Variants in ATP8B1 observed in about 807,000 individuals in gnomAD.
ATP8B1 encodes the protein phospholipid-transporting ATPase IC.
In ATP8B1, 80 loss-of-function variants were observed where a neutral mutation model predicts 149.9. That is an observed-to-expected ratio of 0.53 (90% confidence interval 0.45 to 0.64). ATP8B1 has a LOEUF of 0.64. Among genes scored for constraint, ATP8B1 ranks in the 30% least tolerant of loss-of-function variants. The probability of loss-of-function intolerance (pLI) is 0.00; values close to 1 mark genes in which losing one functional copy is unlikely to be tolerated. For synonymous variants in ATP8B1, 536 were observed against 562.8 expected, an observed-to-expected ratio of 0.95 and a Z score of 0.67; for missense variants, 1,247 against 1,552.6, an observed-to-expected ratio of 0.80 and a Z score of 3.31.
At position 57,674,865 on chromosome 18, in the gene ATP8B1, G is replaced by C. The variant is rs749474911; in HGVS notation, c.1788C>G (p.Phe596Leu). 1.2e-6 allele frequency: 2 copies of C among 1,614,174 alleles called. No individual in the cohort carries two copies. The highest frequency in any genetic ancestry group is 2.2e-5 in the East Asian group (1 of 44,886). Residue 596 changes from phenylalanine to leucine, a missense_variant, in exon 16 of 28, where the codon TTC becomes TTG. Phe to Leu is a conservative substitution (Grantham distance 22, BLOSUM62 0). This residue lies in a region of ATP8B1 where 853 missense variants were observed against 1,035.7 expected (regional missense o/e 0.82). Transcript: ENST00000648908. ...TAGACATTCGCTTCCGGTCACTGTTGAAGTCCAAAATGGCAAGAACATTGT... is the reference window on the plus strand; with the variant it reads ...TAGACATTCGCTTCCGGTCACTGTTCAAGTCCAAAATGGCAAGAACATTGT... ...RTYNVLAILDFNSDRKRMSII... is the reference protein window; with the variant it reads ...RTYNVLAILDLNSDRKRMSII...
At chr18:57,653,931 G>A (rs913740768) in intron 24 of ATP8B1, 61 bp downstream of exon 24, 5 of 1,449,290 alleles carry the variant, frequency 3.4e-6, no homozygotes, top group Non-Finnish European at 4.8e-6. Context: ...ACGTTTGCTT[G>A]GGACTTCTCT....
At chr18:57,681,900 C>G (rs1237638211) in intron 15 of ATP8B1, among the ~76,000 whole-genome samples, 5 of 151,878 alleles carry the variant, frequency 3.3e-5, no homozygotes, top group African/African-American at 4.8e-5. Context: ...ATTTCTTTCT[C>G]TAAGCTCCTG....
At chr18:57,779,223 G>A (rs902171130) in intron 1 of ATP8B1, among the ~76,000 whole-genome samples, 1 of 152,090 alleles carries the variant, frequency 6.6e-6, no homozygotes, top group African/African-American at 2.4e-5. Flanking sequence ...GCTGAAGTGA[G>A]AGGATTGCTT....
chr18:57,694,115 T>G (rs1912680069), intron 11 of ATP8B1, among the ~76,000 whole-genome samples: 1 of 151,882 alleles, frequency 6.6e-6, no homozygotes, highest in Non-Finnish European at 1.5e-5. Flanking sequence ...AACCTGGGAG[T>G]GGTCTTGAGT....
At chr18:57,655,138 T>A in intron 23 of ATP8B1, 56 bp downstream of exon 23, 1 of 1,488,546 alleles carries the variant, frequency 6.7e-7, no homozygotes, top group Non-Finnish European at 9.3e-7. Context: ...GAACTAGATT[T>A]TTATTCATTT....
rs750888321 is a variant in ATP8B1 at position 57,652,464 on chromosome 18, G to A, written c.3261+20C>T. On this transcript the variant is annotated intron_variant, in intron 25 of 27. Transcript: ENST00000648908. ...GTAGGTACCAATAGACACTGAATAC[G>A]GCCAATGAAAGCCACGTACCTGGAA... The A allele has an allele frequency of 6.2e-6, 10 of 1,614,040 alleles. No homozygotes were observed. The highest frequency in any genetic ancestry group is 3.3e-5 in the South Asian group (3 of 91,074).
Position 57,652,655 on chromosome 18 carries a change from A to G in ATP8B1, c.3090T>C (p.Tyr1030=), listed in dbSNP as rs544564339. 1.2e-6 allele frequency: 2 copies of G among 1,614,190 alleles called. No homozygotes were observed. The highest frequency in any genetic ancestry group is 2.2e-5 in the South Asian group (2 of 91,090). ...IVGQRDLLFN[Y]KRFFVSLLHG... Reference sequence around the variant, plus strand: ...GCAACAAGCTTACAAAGAATCTCTTATAGTTGAATAGTAAGTCTCTTTGTC... The same window carrying G: ...GCAACAAGCTTACAAAGAATCTCTTGTAGTTGAATAGTAAGTCTCTTTGTC... The change falls in exon 25 of 28, where the codon TAT becomes TAC. Residue 1030 remains tyrosine, a synonymous_variant. Coordinates refer to ENST00000648908, the MANE Select transcript of ATP8B1 (RefSeq NM_001374385.1).
At chr18:57,685,234 A>T in intron 13 of ATP8B1, 119 bp from the exon 14 acceptor site, 1 of 1,094,436 alleles carries the variant, frequency 9.1e-7, no homozygotes, top group Admixed American at 2.2e-5. Flanking sequence ...GACAGGCTAA[A>T]ATATTTATTA....
At chr18:57,714,282 G>A (rs1011335715) in intron 2 of ATP8B1, among the ~76,000 whole-genome samples, 3 of 146,930 alleles carry the variant, frequency 2.0e-5, no homozygotes, top group African/African-American at 4.9e-5. Flanking sequence ...AGGACACCAA[G>A]CAGATTTCTA....
At chr18:57,776,961 T>G (rs974455313) in intron 1 of ATP8B1, among the ~76,000 whole-genome samples, 2 of 151,712 alleles carry the variant, frequency 1.3e-5, no homozygotes, top group African/African-American at 4.8e-5. Context: ...GTTATCTTCC[T>G]TTCCAACTGT....
In ATP8B1 at chr18:57,685,067, C is replaced by G. The variant is rs756624501; in HGVS notation, c.1473+5G>C. ...CCAAACGATTCTTCGGCTTAAAGGTCTTACCTCTATTTTGTTGTGGTTGTG... is the reference window on the plus strand; with the variant it reads ...CCAAACGATTCTTCGGCTTAAAGGTGTTACCTCTATTTTGTTGTGGTTGTG... On this transcript the variant is annotated splice_donor_5th_base_variant and intron_variant, in intron 14 of 27. Coordinates refer to ENST00000648908, the MANE Select transcript of ATP8B1 (RefSeq NM_001374385.1). 5 of 1,614,126 alleles carry G rather than the reference C, an allele frequency of 3.1e-6. No homozygotes were observed. The highest frequency in any genetic ancestry group is 2.5e-6 in the Non-Finnish European group (3 of 1,179,976).
chr18:57,691,685 G>A lies in ATP8B1; in HGVS notation c.1220+122C>T, dbSNP rs317809. 586,377 of 1,257,342 alleles carry A rather than the reference G, an allele frequency of 0.47. 141,624 individuals are homozygous for A. The highest frequency in any genetic ancestry group is 0.71 in the East Asian group (28,906 of 40,920). The allele number at this position is 1,257,342 out of a possible 1,614,324, so 77.9% of individuals were successfully genotyped here. The stretch of plus-strand genomic sequence containing the variant: ...TCTTACCCTCAATTCTGAAATGAAC[G>A]TGATTTTCTTACCTGTTCTTTGTGA... On this transcript the variant is annotated intron_variant, in intron 12 of 27. Coordinates refer to ENST00000648908, the MANE Select transcript of ATP8B1 (RefSeq NM_001374385.1).
chr18:57,719,473 C>T (rs1470853601), intron 2 of ATP8B1, among the ~76,000 whole-genome samples: 2 of 152,198 alleles, frequency 1.3e-5, no homozygotes, highest in African/African-American at 4.8e-5. Flanking sequence ...AGGGAGTTCC[C>T]TTTCCGAGTC....
At chr18:57,696,547 CAA>C (rs10639684) in intron 8 of ATP8B1, among the ~76,000 whole-genome samples, 1,504 of 145,624 alleles carry the variant, frequency 0.01, 19 homozygotes, top group African/African-American at 0.034. Context: ...TTTTTTCCGC[CAA>C]AAAAAAAAAA....
chr18:57,691,843 A>G lies in ATP8B1; in HGVS notation c.1184T>C (p.Val395Ala). 1 of 1,614,172 alleles carries G rather than the reference A, an allele frequency of 6.2e-7. No homozygotes were observed. Among genetic ancestry groups the G allele is most frequent in the Non-Finnish European group, 8.5e-7 (1 of 1,180,020 alleles). Residue 395 changes from valine to alanine, a missense_variant, in exon 12 of 28, where the codon GTT becomes GCT. Around this residue, in one of 3 missense-constraint regions of ATP8B1, gnomAD observed 853 missense variants for 1,035.7 expected, o/e 0.82. Transcript: ENST00000648908. The stretch of plus-strand genomic sequence containing the variant: ...AGAGATGGGTACCATGGTGTTGAGA[A>G]CAATGATATAGCCCCAGAAAATGAG... The part of the protein sequence containing the change: ...GFLIFWGYII[V>A]LNTMVPISLY...
At position 57,652,056 on chromosome 18, in the gene ATP8B1, A is replaced by G. The variant is rs768112395; in HGVS notation, c.3378T>C (p.Phe1126=). ...AACCTGTAAATTGAAATGCAGATGG[A>G]AAGAGAACATGTATTCCAGCACTAT... is the stretch of plus-strand genomic sequence containing the variant. The part of the protein sequence containing the change: ...DFHSAGIHVL[F]PSAFQFTGTA... The change falls in exon 26 of 28, where the codon TTT becomes TTC. Residue 1126 remains phenylalanine (F), a synonymous_variant. Coordinates refer to ENST00000648908, the MANE Select transcript of ATP8B1 (RefSeq NM_001374385.1). 4 of 1,613,794 alleles carry G rather than the reference A, an allele frequency of 2.5e-6. No homozygotes were observed. Among genetic ancestry groups the G allele is most frequent in the Non-Finnish European group, 3.4e-6 (4 of 1,179,898 alleles).
intron 1 of ATP8B1, among the ~76,000 whole-genome samples, chr18:57,745,656 ATTTTT>A (rs11304424): frequency 5.6e-5 from 8 of 143,918 alleles, no homozygotes; most frequent in Non-Finnish European, 9.1e-5. Flanking sequence ...TGGTTTTACA[ATTTTT>A]TTTTTTTTTT....
intron 11 of ATP8B1, among the ~76,000 whole-genome samples, chr18:57,694,350 G>A (rs1030374445): frequency 2.0e-5 from 3 of 151,932 alleles, no homozygotes; most frequent in East Asian, 1.9e-4. Flanking sequence ...CCCTACAACC[G>A]AAATTTCCCT....
intron 2 of ATP8B1, among the ~76,000 whole-genome samples, chr18:57,728,024 G>T (rs951640368): frequency 1.3e-5 from 2 of 152,130 alleles, no homozygotes; most frequent in African/African-American, 4.8e-5. Context: ...CAGCATGTTT[G>T]TGCCTGTCCT....
Sources: gnomAD v4.1 joint callset for allele counts (sites outside exome capture counted in the v4.1 genomes callset) on GRCh38, gnomAD v4.1.1 for gene constraint, gnomAD v4.1.1 regional missense constraint, MANE v1.5 for transcripts, NCBI Gene and HGNC (gene_info 2026-07-23, HGNC 2026-07-21) for gene names.